MACROD2: variants seen among roughly 807,000 people sequenced by gnomAD.
MACROD2 encodes the protein mono-ADP ribosylhydrolase 2, also known as ADP-ribose glycohydrolase MACROD2.
Under a neutral mutation model 70.4 loss-of-function variants are expected in MACROD2, and 36 were observed. The observed-to-expected ratio is 0.51, with a 90% confidence interval of 0.39 to 0.68. The LOEUF (loss-of-function observed/expected upper bound fraction) is 0.68, where lower values mean the gene tolerates loss of function less well. Ranked by LOEUF, MACROD2 falls within the 30% of genes least tolerant of loss-of-function variation. The pLI is 0.00. For synonymous variants in MACROD2, 172 were observed against 178.8 expected, an observed-to-expected ratio of 0.96 and a Z score of 0.30; for missense variants, 496 against 538.4, an observed-to-expected ratio of 0.92 and a Z score of 0.78.
At chr20:15,825,591 T>G (rs1318592779) in intron 8 of MACROD2, among the ~76,000 whole-genome samples, 1 of 151,944 alleles carries the variant, frequency 6.6e-6, no homozygotes, top group Non-Finnish European at 1.5e-5. Flanking sequence ...CTCCGCCTCC[T>G]GGGTTCAAGC....
At chr20:15,279,105 G>T (rs1322996725) in intron 6 of MACROD2, among the ~76,000 whole-genome samples, 1 of 152,340 alleles carries the variant, frequency 6.6e-6, no homozygotes, top group South Asian at 2.1e-4. Context: ...CAGGTAGTTA[G>T]TGGAAACTTG....
intron 8 of MACROD2, among the ~76,000 whole-genome samples, chr20:15,521,582 C>A (rs1221389738): frequency 6.6e-6 from 1 of 152,150 alleles, no homozygotes; most frequent in East Asian, 1.9e-4. Flanking sequence ...GCCTTTGGAT[C>A]TGGGAGACAG....
At chr20:14,452,393 AT>A in intron 3 of MACROD2, among the ~76,000 whole-genome samples, 1 of 152,210 alleles carries the variant, frequency 6.6e-6, no homozygotes, top group Middle Eastern at 3.4e-3. Flanking sequence ...GAAGTTTTTA[AT>A]AGAATCAGTA....
chr20:15,608,554 C>G (rs2048925061), intron 8 of MACROD2, among the ~76,000 whole-genome samples: 1 of 152,200 alleles, frequency 6.6e-6, no homozygotes, highest in Admixed American at 6.5e-5. Flanking sequence ...CCCAGATCAA[C>G]CAACCACTAA....
intron 5 of MACROD2, among the ~76,000 whole-genome samples, chr20:14,967,653 G>T (rs1184197427): frequency 6.6e-6 from 1 of 152,064 alleles, no homozygotes; most frequent in African/African-American, 2.4e-5. Context: ...ATTAATGATT[G>T]TTTCCTGTTT....
chr20:14,553,728 C>T (rs932491828), intron 4 of MACROD2, among the ~76,000 whole-genome samples: 5 of 152,114 alleles, frequency 3.3e-5, no homozygotes, highest in Non-Finnish European at 7.4e-5. Context: ...CATGACTGCA[C>T]CTACTCCAAA....
At chr20:15,511,093 G>A (rs893392861) in intron 8 of MACROD2, among the ~76,000 whole-genome samples, 4 of 152,166 alleles carry the variant, frequency 2.6e-5, no homozygotes, top group Admixed American at 1.3e-4. Flanking sequence ...CCTTAGACTC[G>A]ATTCCACAGC....
intron 6 of MACROD2, among the ~76,000 whole-genome samples, chr20:15,308,500 C>T (rs569100550): frequency 6.6e-6 from 1 of 152,152 alleles, no homozygotes; most frequent in Non-Finnish European, 1.5e-5. Context: ...TCTTAACATA[C>T]TGTTACTTTA....
At chr20:15,569,768 C>T (rs568064133) in intron 8 of MACROD2, among the ~76,000 whole-genome samples, 7 of 152,124 alleles carry the variant, frequency 4.6e-5, no homozygotes, top group East Asian at 1.9e-4. Flanking sequence ...AGTAAGCAAC[C>T]GTGCCGACAT....
chr20:15,739,177 T>C (rs2051068033), intron 8 of MACROD2, among the ~76,000 whole-genome samples: 1 of 152,176 alleles, frequency 6.6e-6, no homozygotes, highest in Admixed American at 6.5e-5. Context: ...GTACTTAAGC[T>C]ACAGATTAGT....
chr20:15,326,207 A>G (rs2077927065), intron 6 of MACROD2, among the ~76,000 whole-genome samples: 1 of 152,096 alleles, frequency 6.6e-6, no homozygotes, highest in Non-Finnish European at 1.5e-5. Context: ...GTCTTCATAA[A>G]TACTCATCTT....
chr20:14,103,778 A>G (rs1192455699), intron 3 of MACROD2, among the ~76,000 whole-genome samples: 1 of 152,086 alleles, frequency 6.6e-6, no homozygotes, highest in Non-Finnish European at 1.5e-5. Flanking sequence ...AAATAGCTAC[A>G]TGATATTCAA....
chr20:15,196,989 G>C, intron 5 of MACROD2: 1 of 985,326 alleles, frequency 1.0e-6, no homozygotes, highest in Non-Finnish European at 1.2e-6. Flanking sequence ...ACATTTTTTG[G>C]AAACTCAACA....
chr20:15,537,205 G>A (rs552882354), intron 8 of MACROD2, among the ~76,000 whole-genome samples: 21 of 151,798 alleles, frequency 1.4e-4, no homozygotes, highest in Admixed American at 4.6e-4. Flanking sequence ...CCCTTTTTGC[G>A]TAGCTCTCAT....
intron 6 of MACROD2, among the ~76,000 whole-genome samples, chr20:15,263,785 C>T (rs774721100): frequency 6.6e-6 from 1 of 151,862 alleles, no homozygotes; most frequent in Non-Finnish European, 1.5e-5. Context: ...TTTTATTTTA[C>T]TCATGGCTAT....
intron 5 of MACROD2, among the ~76,000 whole-genome samples, chr20:14,755,488 A>G (rs535112380): frequency 1.3e-5 from 2 of 152,104 alleles, no homozygotes; most frequent in Admixed American, 6.5e-5. Flanking sequence ...TGCAGCCCTC[A>G]TGAGCATTGG....
At chr20:15,528,737 T>C (rs1230817105) in intron 8 of MACROD2, among the ~76,000 whole-genome samples, 2 of 149,182 alleles carry the variant, frequency 1.3e-5, no homozygotes, top group Non-Finnish European at 3.0e-5. Context: ...TTTTTTTTTT[T>C]CAGTTCCTTT....
intron 8 of MACROD2, among the ~76,000 whole-genome samples, chr20:15,675,832 G>A (rs1370753907): frequency 6.6e-6 from 1 of 152,160 alleles, no homozygotes; most frequent in Non-Finnish European, 1.5e-5. Flanking sequence ...GGAACTTGCT[G>A]AGGACAAGTG....
intron 8 of MACROD2, among the ~76,000 whole-genome samples, chr20:15,830,950 A>G (rs2064049518): frequency 6.6e-6 from 1 of 152,204 alleles, no homozygotes; most frequent in African/African-American, 2.4e-5. Flanking sequence ...TTTTCTGTTC[A>G]GGGAAAGGCC....
Sources: allele counts gnomAD v4.1 joint callset (sites outside exome capture counted in the v4.1 genomes callset), GRCh38; gene constraint gnomAD v4.1.1; transcripts MANE v1.5; gene names NCBI Gene and HGNC (gene_info 2026-07-23, HGNC 2026-07-21).